The following CPNE8 variants were observed in gnomAD, a reference collection of about 807,000 sequenced individuals.
CPNE8 encodes copine 8.
CPNE8 carries 45 observed loss-of-function variants against 81.5 expected under a neutral mutation model. The ratio of observed to expected loss-of-function variants is 0.55; its 90% CI spans 0.44 to 0.71. The LOEUF is 0.71. CPNE8 is among the 30% of genes least tolerant of loss of function. The pLI is 0.00. For missense variants in CPNE8, 594 were observed against 672.1 expected (o/e 0.88, Z 1.28); for synonymous variants, 252 against 226.3 (o/e 1.11, Z -1.02).
intron 3 of CPNE8, among the ~76,000 whole-genome samples, chr12:38,861,183 G>C: frequency 6.6e-6 from 1 of 152,110 alleles, no homozygotes; most frequent in Non-Finnish European, 1.5e-5. Flanking sequence ...ATCTAAAATA[G>C]TCAAACTTAA....
At chr12:38,862,829 G>C (rs1481920115) in intron 3 of CPNE8, among the ~76,000 whole-genome samples, 2 of 152,144 alleles carry the variant, frequency 1.3e-5, no homozygotes, top group Admixed American at 1.3e-4. Flanking sequence ...CACACCTGAA[G>C]TCCCAGCTTC....
At chr12:38,797,820 A>G (rs1344701150) in intron 6 of CPNE8, among the ~76,000 whole-genome samples, 1 of 152,164 alleles carries the variant, frequency 6.6e-6, no homozygotes, top group Non-Finnish European at 1.5e-5. Flanking sequence ...AGACGAATGT[A>G]TAACTAGAAT....
intron 13 of CPNE8, among the ~76,000 whole-genome samples, chr12:38,706,644 T>G (rs1490063795): frequency 1.3e-5 from 2 of 152,180 alleles, no homozygotes; most frequent in African/African-American, 4.8e-5. Flanking sequence ...GAATATATGT[T>G]TTAGCAGATT....
intron 6 of CPNE8, among the ~76,000 whole-genome samples, chr12:38,828,315 T>A (rs1270621120): frequency 6.6e-6 from 1 of 152,108 alleles, no homozygotes; most frequent in Non-Finnish European, 1.5e-5. Context: ...AGCTTCCAAG[T>A]CCTATAATTA....
At chr12:38,742,164 C>T (rs1284027316) in intron 10 of CPNE8, among the ~76,000 whole-genome samples, 1 of 152,070 alleles carries the variant, frequency 6.6e-6, no homozygotes, top group Non-Finnish European at 1.5e-5. Context: ...CCCAGCAATC[C>T]CATTACTGGG....
intron 6 of CPNE8, among the ~76,000 whole-genome samples, chr12:38,828,177 T>A (rs1413130507): frequency 6.6e-6 from 1 of 152,190 alleles, no homozygotes; most frequent in East Asian, 1.9e-4. Context: ...GTCTTAGGAA[T>A]CCTTGTGAGC....
At chr12:38,794,141 T>C (rs1051210762) in intron 6 of CPNE8, among the ~76,000 whole-genome samples, 13 of 152,044 alleles carry the variant, frequency 8.6e-5, no homozygotes, top group Admixed American at 3.9e-4. Context: ...GTCTTGACAA[T>C]GATTTCTTGG....
intron 6 of CPNE8, among the ~76,000 whole-genome samples, chr12:38,821,229 A>C (rs986513708): frequency 1.3e-5 from 2 of 152,206 alleles, no homozygotes; most frequent in African/African-American, 2.4e-5. Context: ...ATGATTATTC[A>C]TTTAATGAAT....
intron 17 of CPNE8, among the ~76,000 whole-genome samples, chr12:38,677,115 A>G (rs1475622311): frequency 6.6e-6 from 1 of 152,220 alleles, no homozygotes; most frequent in Non-Finnish European, 1.5e-5. Flanking sequence ...ACTGGAATGT[A>G]AATGTTAAGA....
upstream of CPNE8, chr12:38,905,987 G>A (rs557950457): frequency 2.0e-6 from 2 of 985,284 alleles, no homozygotes; most frequent in Non-Finnish European, 2.4e-6. Flanking sequence ...ACCCACACTC[G>A]CCTCCTGGGC....
At chr12:38,904,830 C>G (rs927274237) in intron 1 of CPNE8, among the ~76,000 whole-genome samples, 1 of 152,018 alleles carries the variant, frequency 6.6e-6, no homozygotes, top group East Asian at 1.9e-4. Flanking sequence ...CAAATCAAAA[C>G]AAAAGTCGTG....
intron 6 of CPNE8, among the ~76,000 whole-genome samples, chr12:38,816,233 G>T (rs1943021592): frequency 6.6e-6 from 1 of 152,054 alleles, no homozygotes. Context: ...AGAAAAAGAG[G>T]AAACATATAA....
intron 1 of CPNE8, among the ~76,000 whole-genome samples, chr12:38,890,120 C>T (rs1313433198): frequency 6.6e-6 from 1 of 152,150 alleles, no homozygotes; most frequent in Non-Finnish European, 1.5e-5. Flanking sequence ...ATCATCTTCA[C>T]CTTGTATTAC....
intron 6 of CPNE8, among the ~76,000 whole-genome samples, chr12:38,779,014 C>T (rs189148524): frequency 1.3e-5 from 2 of 152,260 alleles, no homozygotes; most frequent in African/African-American, 4.8e-5. Context: ...TTTTCAGCAT[C>T]CTTCCAGCAT....
intron 6 of CPNE8, among the ~76,000 whole-genome samples, chr12:38,799,961 C>G (rs1237869510): frequency 6.7e-6 from 1 of 149,946 alleles, no homozygotes; most frequent in Non-Finnish European, 1.5e-5. Context: ...GCTTAAGAAA[C>G]GGCGCACCAC....
chr12:38,723,862 C>T lies in CPNE8; in HGVS notation c.853-29G>A, dbSNP rs1940631315. Reference sequence around the variant, plus strand: ...AAAAAGAAAAAGACAGAATTACCTTCTAGTTGTTTGTGACCCCAAATAGAC... The same window carrying T: ...AAAAAGAAAAAGACAGAATTACCTTTTAGTTGTTTGTGACCCCAAATAGAC... On this transcript the variant is annotated intron_variant, in intron 12 of 19. Coordinates refer to ENST00000331366, the MANE Select transcript of CPNE8 (RefSeq NM_153634.3). 6 of 1,385,628 alleles carry T rather than the reference C, an allele frequency of 4.3e-6. No individual in the cohort carries two copies. In the South Asian group the frequency reaches 4.7e-5, roughly 11 times the overall value. 85.8% of individuals were successfully genotyped at this position (1,385,628 alleles called of 1,614,324 possible).
rs754895189 is a variant in CPNE8, at chr12:38,829,417, G to A, written c.369C>T (p.Ile123=). The A allele has an allele frequency of 5.0e-6, 8 of 1,613,012 alleles. No individual in the cohort carries two copies. Among genetic ancestry groups the A allele is most frequent in the Middle Eastern group, 1.6e-4 (1 of 6,080 alleles). The change falls in exon 6 of 20, where the codon ATC becomes ATT. Residue 123 remains isoleucine (I), a synonymous_variant. Transcript: ENST00000331366. ...CCAGGCGACTTCCCTGTGAACCAAC[G>A]ATCTCTCCCAATGTACAAAACACTT... ...LGQVFCTLGE[I]VGSQGSRLEK...
intron 5 of CPNE8, among the ~76,000 whole-genome samples, chr12:38,836,608 T>C (rs931777979): frequency 2.0e-5 from 3 of 152,190 alleles, no homozygotes; most frequent in African/African-American, 7.2e-5. Context: ...TATAAAAAAA[T>C]AAGTAAGTGC....
chr12:38,762,181 T>G lies in CPNE8; in HGVS notation c.611A>C (p.Asn204Thr). Residue 204 changes from asparagine to threonine, a missense_variant, in exon 9 of 20, where the codon AAC becomes ACC. Asn to Thr is a moderately conservative substitution (Grantham distance 65). Coordinates refer to ENST00000331366, the MANE Select transcript of CPNE8 (RefSeq NM_153634.3). The stretch of plus-strand genomic sequence containing the variant: ...TGCTTGCCATACTGGATTTAGAGTG[T>G]TTTTGACAACTTCTGTCTTGTGACA... ...TICHKTEVVK[N>T]TLNPVWQAFK... 6.2e-7 allele frequency: 1 copy of G among 1,606,152 alleles called. No homozygotes were observed. The highest frequency in any genetic ancestry group is 8.5e-7 in the Non-Finnish European group (1 of 1,175,710).
Sources: gnomAD v4.1 joint callset for allele counts (sites outside exome capture counted in the v4.1 genomes callset) on GRCh38, gnomAD v4.1.1 for gene constraint, MANE v1.5 for transcripts, NCBI Gene and HGNC (gene_info 2026-07-23, HGNC 2026-07-21) for gene names.